CDK13: variants seen among roughly 807,000 people sequenced by gnomAD.
CDK13 encodes cyclin-dependent kinase 13.
Under a neutral mutation model 137.6 loss-of-function variants are expected in CDK13, and 40 were observed. The ratio of observed to expected loss-of-function variants is 0.29; its 90% CI spans 0.23 to 0.38. The LOEUF (loss-of-function observed/expected upper bound fraction) is 0.38, where lower values mean the gene tolerates loss of function less well. CDK13 is among the 10% of genes least tolerant of loss of function. The probability of loss-of-function intolerance (pLI) is 1.00; values close to 1 mark genes in which losing one functional copy is unlikely to be tolerated. For synonymous variants in CDK13, 869 were observed against 760.1 expected, an observed-to-expected ratio of 1.14 and a Z score of -2.36; for missense variants, 1,704 against 1,951.8, an observed-to-expected ratio of 0.87 and a Z score of 2.39.
chr7:40,093,342 G>A (rs940478545), intron 13 of CDK13, 105 bp downstream of exon 13: 6 of 926,284 alleles, frequency 6.5e-6, no homozygotes, highest in Non-Finnish European at 9.5e-6. Context: ...GCCAAAAGAT[G>A]TCCTGAAGAA....
chr7:40,013,960 T>G (rs1022893303), intron 5 of CDK13, among the ~76,000 whole-genome samples: 3 of 151,802 alleles, frequency 2.0e-5, no homozygotes, highest in Admixed American at 6.6e-5. Context: ...AAACTTCTAC[T>G]TTTTTCAAAA....
intron 11 of CDK13, among the ~76,000 whole-genome samples, chr7:40,087,705 C>T (rs17538230): frequency 0.11 from 16,865 of 151,768 alleles, 1,079 homozygotes; most frequent in Middle Eastern, 0.16. Flanking sequence ...CCCGCCACCA[C>T]GCCTGGCTAA....
chr7:39,964,844 A>T (rs1179054883), intron 1 of CDK13, among the ~76,000 whole-genome samples: 1 of 152,170 alleles, frequency 6.6e-6, no homozygotes, highest in Non-Finnish European at 1.5e-5. Context: ...CGTTGGTTTC[A>T]AAGAACATCT....
rs1785107259 is a variant in CDK13 at position 40,021,090 on chromosome 7, AGAGC to A, written c.2353+19060_2353+19063del. Among the ~76,000 whole-genome samples, 3 of 74,378 alleles carry A rather than the reference AGAGC, an allele frequency of 4.0e-5. No individual in the cohort carries two copies. In the Admixed American group the frequency reaches 5.0e-4, roughly 12 times the overall value. 48.8% of individuals were successfully genotyped at this position (74,378 alleles called of 152,430 possible). A position where few individuals can be genotyped will look rare whatever the true frequency, so the allele number is the denominator to read the frequency against. On this transcript the variant is annotated intron_variant, in intron 5 of 13. Transcript: ENST00000181839. Reference sequence around the variant, plus strand: ...TGGTGACAGAGCGAGATTCCATCTCAGAGCAAACAAACGTATATATATATATATA... The same window carrying A: ...TGGTGACAGAGCGAGATTCCATCTCAAAACAAACGTATATATATATATATA...
At chr7:40,080,112 C>T (rs892070083) in intron 11 of CDK13, among the ~76,000 whole-genome samples, 2 of 152,108 alleles carry the variant, frequency 1.3e-5, no homozygotes, top group Non-Finnish European at 1.5e-5. Context: ...TTCAGCCTCC[C>T]GAGTAGCTGG....
intron 1 of CDK13, among the ~76,000 whole-genome samples, chr7:39,973,560 A>G (rs1338463488): frequency 6.6e-6 from 1 of 152,200 alleles, no homozygotes; most frequent in African/African-American, 2.4e-5. Context: ...CTTTCATTCT[A>G]TCACTTTGTT....
intron 1 of CDK13, chr7:39,985,974 C>T (rs1484394082): frequency 1.3e-5 from 2 of 152,220 alleles, no homozygotes; most frequent in Admixed American, 6.5e-5. Flanking sequence ...ATAATCCAGC[C>T]TTTCTCTGCC....
intron 5 of CDK13, among the ~76,000 whole-genome samples, chr7:40,004,189 TC>T (rs1784751102): frequency 1.3e-5 from 2 of 152,210 alleles, no homozygotes; most frequent in African/African-American, 4.8e-5. Flanking sequence ...TTAATAGTCT[TC>T]CTGGTATTAT....
chr7:40,029,780 G>A (rs757189785), intron 5 of CDK13, among the ~76,000 whole-genome samples: 1 of 151,994 alleles, frequency 6.6e-6, no homozygotes, highest in Non-Finnish European at 1.5e-5. Context: ...AGCCTCCCGC[G>A]TAGCTGGGAC....
intron 1 of CDK13, chr7:39,952,865 C>T (rs574592899): frequency 5.9e-5 from 9 of 152,112 alleles, no homozygotes; most frequent in East Asian, 1.9e-4. Context: ...AAAAAGTGTG[C>T]CTTAAAATAT....
intron 1 of CDK13, among the ~76,000 whole-genome samples, chr7:39,964,205 T>C (rs575269225): frequency 6.6e-6 from 1 of 152,328 alleles, no homozygotes; most frequent in East Asian, 1.9e-4. Flanking sequence ...TACCAGCTCC[T>C]CCTTGTACCT....
rs1165193050 is a variant in CDK13 at position 39,951,766 on chromosome 7, C to T, written c.1125C>T (p.Ser375=). 1 of 1,485,902 alleles carries T rather than the reference C, an allele frequency of 6.7e-7. No homozygotes were observed. Among genetic ancestry groups the T allele is most frequent in the Non-Finnish European group, 8.8e-7 (1 of 1,130,864 alleles). The allele number at this position is 1,485,902 out of a possible 1,614,324, so 92.0% of individuals were successfully genotyped here. The change falls in exon 1 of 14, where the codon TCC becomes TCT. Residue 375 remains serine, a synonymous_variant. Coordinates refer to ENST00000181839, the MANE Select transcript of CDK13 (RefSeq NM_003718.5). The part of the protein sequence containing the change: ...RRSPSYSRHS[S]YERGGDVSPS... ...CCCCCAGCTACAGCCGCCACAGCTC[C>T]TACGAGCGGGGCGGCGACGTGTCCC... is the stretch of plus-strand genomic sequence containing the variant.
intron 2 of CDK13, among the ~76,000 whole-genome samples, chr7:39,990,976 A>T (rs1260676495): frequency 6.6e-6 from 1 of 152,238 alleles, no homozygotes; most frequent in African/African-American, 2.4e-5. Flanking sequence ...AAACCATTAT[A>T]TGTGTAACAT....
At chr7:40,093,757 T>C (rs1786978636) in intron 13 of CDK13, among the ~76,000 whole-genome samples, 1 of 151,936 alleles carries the variant, frequency 6.6e-6, no homozygotes. Flanking sequence ...TTTTTTTTAA[T>C]TAACTGGGCA....
chr7:40,067,713 C>T, intron 9 of CDK13: 1 of 152,428 alleles, frequency 6.6e-6, no homozygotes, highest in Non-Finnish European at 1.5e-5. Flanking sequence ...CTTTGGGAGG[C>T]CGAGGTGGGA....
chr7:40,074,957 T>C (rs910911159), intron 9 of CDK13, among the ~76,000 whole-genome samples: 6 of 152,070 alleles, frequency 3.9e-5, no homozygotes, highest in African/African-American at 1.4e-4. Flanking sequence ...ATATTAAGCA[T>C]TGTAAAGGCA....
At chr7:39,959,336 T>C (rs1172836593) in intron 1 of CDK13, among the ~76,000 whole-genome samples, 2 of 151,848 alleles carry the variant, frequency 1.3e-5, no homozygotes, top group Non-Finnish European at 2.9e-5. Flanking sequence ...TAATTTTGTA[T>C]TTTTAGTAGA....
chr7:40,005,448 C>G (rs1471753380), intron 5 of CDK13, among the ~76,000 whole-genome samples: 1 of 151,872 alleles, frequency 6.6e-6, no homozygotes, highest in Admixed American at 6.6e-5. Context: ...TGTCACTACA[C>G]CCATCTAATT....
chr7:39,951,049 C>A lies in CDK13; in HGVS notation c.408C>A (p.Ser136Arg). 7.8e-7 allele frequency: 1 copy of A among 1,284,220 alleles called. No homozygotes were observed. The highest frequency in any genetic ancestry group is 9.8e-7 in the Non-Finnish European group (1 of 1,017,736). The allele number at this position is 1,284,220 out of a possible 1,614,324, so 79.6% of individuals were successfully genotyped here. ...AGGACGGCGGTGGCGGTGCTAGTAGCGGCGGGGGTGTGACCCCGCTGGTGG... is the reference window on the plus strand; with the variant it reads ...AGGACGGCGGTGGCGGTGCTAGTAGAGGCGGGGGTGTGACCCCGCTGGTGG... The part of the protein sequence containing the change: ...PQQDGGGGAS[S>R]GGGVTPLVEY... Residue 136 changes from serine (S) to arginine (R), a missense_variant, in exon 1 of 14, where the codon AGC (serine) becomes AGA (arginine). By Grantham distance (110) the Ser-to-Arg change is moderately radical. This residue lies in a region of CDK13 where 1,051 missense variants were observed against 931.0 expected (regional missense o/e 1.13). Transcript: ENST00000181839.
Sources: gnomAD v4.1 joint callset for allele counts (sites outside exome capture counted in the v4.1 genomes callset) on GRCh38, gnomAD v4.1.1 for gene constraint, gnomAD v4.1.1 regional missense constraint, MANE v1.5 for transcripts, NCBI Gene and HGNC (gene_info 2026-07-23, HGNC 2026-07-21) for gene names.